The following ADCY7 variants were observed in gnomAD, a reference collection of about 807,000 sequenced individuals.
ADCY7 encodes the protein adenylate cyclase type 7.
ADCY7 carries 72 observed loss-of-function variants against 120.6 expected under a neutral mutation model. That is an observed-to-expected ratio of 0.60 (90% CI 0.49 to 0.73). The LOEUF is 0.73. ADCY7 is among the 30% of genes least tolerant of loss of function. The pLI is 0.00. For missense variants in ADCY7, 1,227 were observed against 1,486.0 expected (o/e 0.83, Z 2.87); for synonymous variants, 661 against 628.0 (o/e 1.05, Z -0.78).
chr16:50,294,794 C>T lies in ADCY7; in HGVS notation c.948+43C>T, dbSNP rs1336933958. ...CAATGGGCAAAGCCAGGCCCCTCCC[C>T]TGCCTATTACACCCCAGGGGTGTCC... is the stretch of plus-strand genomic sequence containing the variant. On this transcript the variant is annotated intron_variant, in intron 7 of 25. Coordinates refer to ENST00000673801, the MANE Select transcript of ADCY7 (RefSeq NM_001114.5). 4 of 1,397,442 alleles carry T rather than the reference C, an allele frequency of 2.9e-6. No homozygotes were observed. In the South Asian group the frequency reaches 4.8e-5, roughly 17 times the overall value. 86.6% of individuals were successfully genotyped at this position (1,397,442 alleles called of 1,614,324 possible). A position where few individuals can be genotyped will look rare whatever the true frequency, so the allele number is the denominator to read the frequency against.
At chr16:50,287,159 G>T (rs2034632366) in intron 1 of ADCY7, among the ~76,000 whole-genome samples, 1 of 151,916 alleles carries the variant, frequency 6.6e-6, no homozygotes. Flanking sequence ...GGGATTACAG[G>T]CACACGTCAC....
At chr16:50,268,256 C>T (rs897549468) in intron 1 of ADCY7, among the ~76,000 whole-genome samples, 29 of 152,190 alleles carry the variant, frequency 1.9e-4, no homozygotes, top group African/African-American at 6.3e-4. Context: ...CACACCACTA[C>T]ACCTGGCTAA....
intron 11 of ADCY7, 67 bp downstream of exon 11, chr16:50,304,618 C>A: frequency 7.0e-7 from 1 of 1,433,054 alleles, no homozygotes; most frequent in Non-Finnish European, 9.5e-7. Context: ...AGAGTGAGTG[C>A]TGAAGATCTC....
At chr16:50,269,302 T>G (rs2150827856) in intron 1 of ADCY7, among the ~76,000 whole-genome samples, 1 of 152,322 alleles carries the variant, frequency 6.6e-6, no homozygotes, top group South Asian at 2.1e-4. Context: ...CATTTGAGCC[T>G]GGAGTCAGGG....
rs955264061 is a variant in ADCY7, at chr16:50,317,158, G to T, written c.*1653G>T. 1.3e-5 allele frequency: 2 copies of T among 152,808 alleles called. No homozygotes were observed. The highest frequency in any genetic ancestry group is 2.9e-5 in the Non-Finnish European group (2 of 68,054). 9.5% of individuals were successfully genotyped at this position (152,808 alleles called of 1,614,324 possible). ...CAGGTGTATTCTAATTTGCACAAAGGTGCTGGGTAGACTAGTGGCAGCTCT... is the reference window on the plus strand; with the variant it reads ...CAGGTGTATTCTAATTTGCACAAAGTTGCTGGGTAGACTAGTGGCAGCTCT... On this transcript the variant is annotated 3_prime_UTR_variant, in exon 26 of 26. Transcript: ENST00000673801.
At chr16:50,259,860 G>T (rs1042519471) in intron 1 of ADCY7, among the ~76,000 whole-genome samples, 8 of 152,194 alleles carry the variant, frequency 5.3e-5, no homozygotes, top group Non-Finnish European at 7.3e-5. Flanking sequence ...TATGTTCCTA[G>T]CCTGCACAGG....
Position 50,318,124 on chromosome 16 carries a change from G to GA in ADCY7, c.*2624dup, listed in dbSNP as rs2036899810. 1 of 152,188 alleles carries GA rather than the reference G, an allele frequency of 6.6e-6. No individual in the cohort carries two copies. The highest frequency in any genetic ancestry group is 2.1e-4 in the South Asian group (1 of 4,834). 9.4% of individuals were successfully genotyped at this position (152,188 alleles called of 1,614,324 possible). ...TTTTTATACATTAAATTAGCAATTTGAAAAACTCAAATATCTGAAGGTATT... is the reference window on the plus strand; with the variant it reads ...TTTTTATACATTAAATTAGCAATTTGAAAAAACTCAAATATCTGAAGGTATT... On this transcript the variant is annotated 3_prime_UTR_variant, in exon 26 of 26. Transcript: ENST00000673801.
At chr16:50,262,885 A>G (rs1350583723), upstream of ADCY7, among the ~76,000 whole-genome samples, 1 of 152,232 alleles carries the variant, frequency 6.6e-6, no homozygotes, top group Non-Finnish European at 1.5e-5. Flanking sequence ...GGGAGTTGAA[A>G]GAAAGCGGGT....
intron 1 of ADCY7, among the ~76,000 whole-genome samples, chr16:50,248,018 A>T (rs1596781180): frequency 6.6e-6 from 1 of 152,168 alleles, no homozygotes; most frequent in East Asian, 1.9e-4. Flanking sequence ...TAAGTTAGGC[A>T]GGACCCAAAC....
rs540194317 is a variant in ADCY7 at position 50,284,379 on chromosome 16, T to C, written c.-268-3533T>C. On this transcript the variant is annotated intron_variant, in intron 1 of 25. Coordinates refer to ENST00000673801, the MANE Select transcript of ADCY7 (RefSeq NM_001114.5). ...CCTTGAGAGGCGTGTTTACCAGGCC[T>C]GTGTTCCCACGGGCCCTTGGGACTC... Among the ~76,000 whole-genome samples the C allele has an allele frequency of 2.7e-3, 406 of 152,342 alleles. 1 individual carries two copies. The highest frequency in any genetic ancestry group is 9.3e-3 in the African/African-American group (387 of 41,584).
At chr16:50,294,281 C>T (rs1019509431) in intron 6 of ADCY7, among the ~76,000 whole-genome samples, 3 of 152,162 alleles carry the variant, frequency 2.0e-5, no homozygotes, top group Non-Finnish European at 4.4e-5. Context: ...GGAGCTGCCT[C>T]TCACCAGGGA....
At chr16:50,262,806 C>T (rs189011164), upstream of ADCY7, among the ~76,000 whole-genome samples, 138 of 152,302 alleles carry the variant, frequency 9.1e-4, 1 homozygote, top group Non-Finnish European at 1.5e-4. Context: ...TGTGCCCTGG[C>T]GCCTCTACCA....
rs2034683084 is a variant in ADCY7 at position 50,287,904 on chromosome 16, CT to C, written c.-268-7del. 2.6e-6 allele frequency: 1 copy of C among 382,738 alleles called. No individual in the cohort carries two copies. 23.7% of individuals were successfully genotyped at this position (382,738 alleles called of 1,614,324 possible). A position where few individuals can be genotyped will look rare whatever the true frequency, so the allele number is the denominator to read the frequency against. ...TAGGTCAAGTTCCTGTCTGCTTCGT[CT>C]CCGCAGAGCTGAGGAACTGCGTGTG... On this transcript the variant is annotated splice_region_variant and splice_polypyrimidine_tract_variant and intron_variant, in intron 1 of 25. Coordinates refer to ENST00000673801, the MANE Select transcript of ADCY7 (RefSeq NM_001114.5).
At chr16:50,304,321 G>A (rs768915950) in intron 10 of ADCY7, 39 bp from the exon 11 acceptor site, 1 of 1,401,786 alleles carries the variant, frequency 7.1e-7, no homozygotes, top group Non-Finnish European at 9.3e-7. Flanking sequence ...GCCGAGAGGG[G>A]AGGAGGTGGC....
In ADCY7 at chr16:50,291,778, C is replaced by T. The variant is rs1213724946; in HGVS notation, c.418C>T (p.Leu140=). 3 of 1,614,150 alleles carry T rather than the reference C, an allele frequency of 1.9e-6. No individual in the cohort carries two copies. The highest frequency in any genetic ancestry group is 2.2e-5 in the South Asian group (2 of 91,082). Residue 140 remains leucine (L), a synonymous_variant, in exon 4 of 26, where the codon CTG becomes TTG. Transcript: ENST00000673801. ...CATTGTCTTCGTGGTGTACACACTA[C>T]TGCCCTTCAGCATGCGGGGCGCTGT... is the stretch of plus-strand genomic sequence containing the variant. ...LFIVFVVYTL[L]PFSMRGAVAV...
chr16:50,304,843 G>C (rs2035957778), intron 11 of ADCY7, 82 bp from the exon 12 acceptor site: 1 of 1,573,634 alleles, frequency 6.4e-7, no homozygotes, highest in South Asian at 1.1e-5. Context: ...AAGTGCCGGA[G>C]GGGCTGAACC....
Position 50,308,565 on chromosome 16 carries a change from C to A in ADCY7, c.1936-102C>A, listed in dbSNP as rs533016733. The A allele has an allele frequency of 4.5e-6, 7 of 1,552,240 alleles. No homozygotes were observed. In the South Asian group the frequency reaches 7.3e-5, roughly 16 times the overall value. On this transcript the variant is annotated intron_variant, in intron 16 of 25. Transcript: ENST00000673801. Reference sequence around the variant, plus strand: ...GCCTCGGGGACAATTTCCTGAGTGCCCTGGAGGCTTCTCCCGAGGATACCC... The same window carrying A: ...GCCTCGGGGACAATTTCCTGAGTGCACTGGAGGCTTCTCCCGAGGATACCC...
intron 21 of ADCY7, 143 bp from the exon 22 acceptor site, chr16:50,312,747 A>C: frequency 2.6e-6 from 2 of 783,770 alleles, no homozygotes; most frequent in Non-Finnish European, 4.1e-6. Flanking sequence ...CCACCAGATG[A>C]AACTCATGCA....
intron 1 of ADCY7, among the ~76,000 whole-genome samples, chr16:50,248,887 G>C (rs148220468): frequency 6.6e-6 from 1 of 152,178 alleles, no homozygotes; most frequent in Non-Finnish European, 1.5e-5. Context: ...TCAGGTGGAC[G>C]ATACCCTTTT....
Sources: allele counts gnomAD v4.1 joint callset (sites outside exome capture counted in the v4.1 genomes callset), GRCh38; gene constraint gnomAD v4.1.1; transcripts MANE v1.5; gene names NCBI Gene and HGNC (gene_info 2026-07-23, HGNC 2026-07-21).